ANO10: variants seen among roughly 807,000 people sequenced by gnomAD.
ANO10 encodes anoctamin-10.
In ANO10, 77 loss-of-function variants were observed where a neutral mutation model predicts 74.7. The ratio of observed to expected loss-of-function variants is 1.03; its 90% CI spans 0.86 to 1.25. The LOEUF (loss-of-function observed/expected upper bound fraction) is 1.25, where lower values mean the gene tolerates loss of function less well. Ranked by LOEUF, ANO10 falls within the 50% of genes most tolerant of loss-of-function variation. The pLI is 0.00. For synonymous variants in ANO10, 279 were observed against 284.9 expected (o/e 0.98, Z 0.21); for missense variants, 721 against 778.1 (o/e 0.93, Z 0.87).
At chr3:43,634,707 A>C (rs1048700859) in intron 1 of ANO10, among the ~76,000 whole-genome samples, 1 of 152,208 alleles carries the variant, frequency 6.6e-6, no homozygotes, top group African/African-American at 2.4e-5. Context: ...AGACTTAAGG[A>C]TAGGTATATC....
chr3:43,635,662 C>G (rs9826275), intron 1 of ANO10, among the ~76,000 whole-genome samples: 66,163 of 150,348 alleles, frequency 0.44, 17,366 homozygotes, highest in East Asian at 0.77. Flanking sequence ...GCTCTTTTAC[C>G]AGACTGGAGT....
chr3:43,661,909 G>A (rs551181240), intron 1 of ANO10, among the ~76,000 whole-genome samples: 1 of 152,114 alleles, frequency 6.6e-6, no homozygotes, highest in Non-Finnish European at 1.5e-5. Context: ...CATAAAACAA[G>A]TTCTTAGAGA....
chr3:43,655,475 A>G (rs966973043), intron 1 of ANO10, among the ~76,000 whole-genome samples: 1 of 152,226 alleles, frequency 6.6e-6, no homozygotes, highest in Non-Finnish European at 1.5e-5. Context: ...AAGCTTCTAC[A>G]GTGTGGGAGG....
intron 1 of ANO10, among the ~76,000 whole-genome samples, chr3:43,682,395 C>A (rs529949975): frequency 6.6e-6 from 1 of 152,312 alleles, no homozygotes; most frequent in East Asian, 1.9e-4. Context: ...AGTTGAATCT[C>A]TGAATAGACC....
At chr3:43,605,477 C>T (rs2082517127) in intron 2 of ANO10, among the ~76,000 whole-genome samples, 2 of 152,226 alleles carry the variant, frequency 1.3e-5, no homozygotes, top group Non-Finnish European at 2.9e-5. Context: ...AAGAAAACCA[C>T]TCATGCTGCT....
At chr3:43,521,395 G>C (rs1016115496) in intron 11 of ANO10, among the ~76,000 whole-genome samples, 1 of 152,152 alleles carries the variant, frequency 6.6e-6, no homozygotes, top group African/African-American at 2.4e-5. Context: ...TTTGAGAGCT[G>C]AGTCTGGCCA....
intron 11 of ANO10, among the ~76,000 whole-genome samples, chr3:43,498,653 T>C (rs536922902): frequency 6.6e-6 from 1 of 152,332 alleles, no homozygotes; most frequent in East Asian, 1.9e-4. Context: ...TAGTCTGGAC[T>C]ATGCAGCTTA....
In ANO10 at chr3:43,397,894, T is replaced by G. The variant is rs1317211630; in HGVS notation, c.1915-30920A>C. Among the ~76,000 whole-genome samples, 3 of 152,222 alleles carry G rather than the reference T, an allele frequency of 2.0e-5. No individual in the cohort carries two copies. The South Asian group carries it at 6.2e-4, about 32-fold the overall frequency. ...CTGTCCTTCACTGCCTGATGTCCAC[T>G]GTTGGAAAAACATTGATTCACGTAT... On this transcript the variant is annotated intron_variant, in intron 12 of 12. Transcript: ENST00000292246.
chr3:43,678,137 T>C (rs1320656522), intron 1 of ANO10, among the ~76,000 whole-genome samples: 1 of 152,236 alleles, frequency 6.6e-6, no homozygotes, highest in Non-Finnish European at 1.5e-5. Flanking sequence ...TGAGCACTCT[T>C]ACATTAGCCT....
chr3:43,501,563 G>C (rs553937195), intron 11 of ANO10, among the ~76,000 whole-genome samples: 94 of 151,588 alleles, frequency 6.2e-4, no homozygotes, highest in African/African-American at 2.1e-3. Flanking sequence ...AAGCTTCTTA[G>C]TAGAGAGGCA....
At chr3:43,620,867 A>C (rs138598104) in intron 1 of ANO10, among the ~76,000 whole-genome samples, 1 of 152,302 alleles carries the variant, frequency 6.6e-6, no homozygotes, top group East Asian at 1.9e-4. Context: ...GATCTTTCAA[A>C]TTTCATTCAT....
intron 1 of ANO10, among the ~76,000 whole-genome samples, chr3:43,628,700 G>A (rs1025747127): frequency 6.6e-6 from 1 of 152,116 alleles, no homozygotes; most frequent in Non-Finnish European, 1.5e-5. Context: ...CTTAGGGGTA[G>A]GTCTATAGAT....
chr3:43,626,723 G>A (rs114825981), upstream of ANO10, among the ~76,000 whole-genome samples: 4,720 of 152,086 alleles, frequency 0.031, 148 homozygotes, highest in Non-Finnish European at 0.044. Flanking sequence ...TTAATAATCC[G>A]TATTTCCCCT....
chr3:43,637,194 G>A (rs145676295), intron 1 of ANO10, among the ~76,000 whole-genome samples: 8 of 151,166 alleles, frequency 5.3e-5, no homozygotes, highest in Admixed American at 2.0e-4. Context: ...AAAGCTGGGT[G>A]CGGTGGCTCA....
chr3:43,563,647 A>G (rs1324725918), intron 8 of ANO10, among the ~76,000 whole-genome samples: 7 of 152,190 alleles, frequency 4.6e-5, no homozygotes, highest in African/African-American at 1.7e-4. Flanking sequence ...TGGTATATAT[A>G]CACAATGGAA....
chr3:43,586,017 T>G (rs2081466383), intron 4 of ANO10, among the ~76,000 whole-genome samples: 1 of 152,084 alleles, frequency 6.6e-6, no homozygotes, highest in Admixed American at 6.5e-5. Flanking sequence ...AAAAGAGGCC[T>G]GGAAAATCAG....
chr3:43,643,236 T>C lies in ANO10; in HGVS notation c.-11-37373A>G, dbSNP rs539232187. 1.5e-4 allele frequency among the ~76,000 whole-genome samples: 23 copies of C among 152,008 alleles called. 1 individual carries two copies. The East Asian group carries it at 4.4e-3, about 29-fold the overall frequency. On this transcript the variant is annotated intron_variant, in intron 1 of 3. Coordinates refer to the ANO10 transcript ENST00000413397. ...TTAGTAGAGACGGGGTTTCACCGTG[T>C]TAGCCAGGGTGGTCTCGATCTCCTG...
intron 7 of ANO10, among the ~76,000 whole-genome samples, chr3:43,573,329 A>G (rs540005653): frequency 6.6e-5 from 10 of 152,162 alleles, no homozygotes; most frequent in Admixed American, 3.3e-4. Context: ...TTGAATTCTT[A>G]TCTCTTATGA....
intron 12 of ANO10, among the ~76,000 whole-genome samples, chr3:43,390,872 C>T (rs1424124576): frequency 6.6e-6 from 1 of 152,170 alleles, no homozygotes; most frequent in African/African-American, 2.4e-5. Context: ...CAGAACGGAT[C>T]TAAGGATAAA....
Sources: allele counts gnomAD v4.1 joint callset (sites outside exome capture counted in the v4.1 genomes callset), GRCh38; gene constraint gnomAD v4.1.1; transcripts MANE v1.5; gene names NCBI Gene and HGNC (gene_info 2026-07-23, HGNC 2026-07-21).